RWDD4: variants seen among roughly 807,000 people sequenced by gnomAD.
RWDD4 encodes RWD domain-containing protein 4.
RWDD4 carries 16 observed loss-of-function variants against 30.0 expected under a neutral mutation model. The ratio of observed to expected loss-of-function variants is 0.53; its 90% CI spans 0.36 to 0.81. The LOEUF is 0.81. Among genes scored for constraint, RWDD4 ranks in the 30% least tolerant of loss-of-function variants. The pLI, the probability that RWDD4 is intolerant of heterozygous loss-of-function variation, is 0.00. For synonymous variants in RWDD4, 45 were observed against 72.1 expected (o/e 0.62, Z 1.90); for missense variants, 170 against 223.9 (o/e 0.76, Z 1.54).
chr4:183,656,035 TTCAAGCCCAC>T, intron 1 of RWDD4, 74 bp from the exon 2 acceptor site: 1 of 982,656 alleles, frequency 1.0e-6, no homozygotes, highest in Non-Finnish European at 1.6e-6. Context: ...TACTTTCTCA[TTCAAGCCCAC>T]TCAACTATGT....
Position 183,641,422 on chromosome 4 carries a change from T to G in RWDD4, c.*14A>C, listed in dbSNP as rs551265492. On this transcript the variant is annotated 3_prime_UTR_variant, in exon 8 of 8. Coordinates refer to ENST00000326397, the MANE Select transcript of RWDD4 (RefSeq NM_152682.4). ...CTTTAAAGAATGCTCTTTCCTTGTCTCAAATTCCAAGTGCTACTCATCATC... is the reference window on the plus strand; with the variant it reads ...CTTTAAAGAATGCTCTTTCCTTGTCGCAAATTCCAAGTGCTACTCATCATC... 6.3e-7 allele frequency: 1 copy of G among 1,597,810 alleles called. No homozygotes were observed. Among genetic ancestry groups the G allele is most frequent in the East Asian group, 2.2e-5 (1 of 44,740 alleles).
At chr4:183,653,856 G>A (rs895556012) in intron 2 of RWDD4, among the ~76,000 whole-genome samples, 2 of 152,166 alleles carry the variant, frequency 1.3e-5, no homozygotes, top group African/African-American at 2.4e-5. Context: ...ATAGAGACAA[G>A]GCTATTCCTG....
At chr4:183,658,582 T>G (rs189777716) in intron 1 of RWDD4, among the ~76,000 whole-genome samples, 1 of 152,272 alleles carries the variant, frequency 6.6e-6, no homozygotes, top group Admixed American at 6.5e-5. Flanking sequence ...CAGACTAAAA[T>G]TTAAAGGTGA....
chr4:183,649,997 G>C (rs991075137), intron 4 of RWDD4, among the ~76,000 whole-genome samples: 3 of 152,042 alleles, frequency 2.0e-5, no homozygotes, highest in African/African-American at 7.2e-5. Context: ...AGAACATCCT[G>C]GTTCCCGGAA....
rs181042737 is a variant in RWDD4, at chr4:183,655,486, A to G, written c.105+395T>C. ...TTAGTAGAGACAGTGGGGTTTCACC[A>G]TGTTGGCCAGGATGGTCTCGATCTC... On this transcript the variant is annotated intron_variant, in intron 2 of 7. Coordinates refer to ENST00000326397, the MANE Select transcript of RWDD4 (RefSeq NM_152682.4). 1.7e-3 allele frequency among the ~76,000 whole-genome samples: 260 copies of G among 151,678 alleles called. 1 individual carries two copies. Among genetic ancestry groups the G allele is most frequent in the Middle Eastern group, 0.01 (3 of 292 alleles).
chr4:183,652,450 C>G (rs114129693), intron 2 of RWDD4, among the ~76,000 whole-genome samples: 11,016 of 146,058 alleles, frequency 0.075, 545 homozygotes, highest in Non-Finnish European at 0.094. Context: ...GAGCTGAGAT[C>G]GTGCCATTGC....
chr4:183,654,910 AC>A (rs113412568), intron 2 of RWDD4, among the ~76,000 whole-genome samples: 10,256 of 151,828 alleles, frequency 0.068, 1,147 homozygotes, highest in African/African-American at 0.24. Flanking sequence ...TACAAAAAAA[AC>A]TTCCCCATTC....
intron 7 of RWDD4, among the ~76,000 whole-genome samples, chr4:183,642,528 G>A (rs924947839): frequency 2.0e-5 from 3 of 152,056 alleles, no homozygotes; most frequent in Admixed American, 2.0e-4. Flanking sequence ...AAGACAGCTG[G>A]CTTCTCACAA....
In RWDD4 at chr4:183,659,161, C is replaced by T. The variant is rs1734316712; in HGVS notation, c.-209G>A. 2.5e-6 allele frequency: 1 copy of T among 404,418 alleles called. No individual in the cohort carries two copies. 25.1% of individuals were successfully genotyped at this position (404,418 alleles called of 1,614,324 possible). ...GTGGGCTGTGGGCTACGAGCCGGAG[C>T]CGCGGCTGGTGGGGCCTGGGAAGTG... On this transcript the variant is annotated 5_prime_UTR_variant, in exon 1 of 8. Coordinates refer to ENST00000326397, the MANE Select transcript of RWDD4 (RefSeq NM_152682.4).
At chr4:183,656,088 C>T in intron 1 of RWDD4, 127 bp from the exon 2 acceptor site, 1 of 632,358 alleles carries the variant, frequency 1.6e-6, no homozygotes, top group Non-Finnish European at 2.8e-6. Context: ...ACCTTAGATA[C>T]TTACCACATA....
intron 5 of RWDD4, among the ~76,000 whole-genome samples, chr4:183,648,117 G>A (rs1233346821): frequency 6.6e-6 from 1 of 152,078 alleles, no homozygotes; most frequent in African/African-American, 2.4e-5. Flanking sequence ...AGTGACATGC[G>A]CCAGTAGTCT....
chr4:183,641,147 A>C lies in RWDD4; in HGVS notation c.*289T>G, dbSNP rs1435054100. 1 of 426,116 alleles carries C rather than the reference A, an allele frequency of 2.3e-6. No homozygotes were observed. Among genetic ancestry groups the C allele is most frequent in the Non-Finnish European group, 4.2e-6 (1 of 237,720 alleles). The allele number at this position is 426,116 out of a possible 1,614,324, so 26.4% of individuals were successfully genotyped here. A position where few individuals can be genotyped will look rare whatever the true frequency, so the allele number is the denominator to read the frequency against. On this transcript the variant is annotated 3_prime_UTR_variant, in exon 8 of 8. Coordinates refer to ENST00000326397, the MANE Select transcript of RWDD4 (RefSeq NM_152682.4). ...CCACCAGGATAAGATCATTTAAATT[A>C]ACACTGATTCTTATTCCCCATGCCT...
chr4:183,643,100 AAAT>A (rs1465957247), intron 7 of RWDD4, among the ~76,000 whole-genome samples: 5 of 129,222 alleles, frequency 3.9e-5, no homozygotes, highest in African/African-American at 9.1e-5. Flanking sequence ...ATAAATAAAT[AAAT>A]AAAATAAAAA....
intron 5 of RWDD4, among the ~76,000 whole-genome samples, chr4:183,648,419 G>A (rs552660122): frequency 6.6e-6 from 1 of 152,232 alleles, no homozygotes; most frequent in Non-Finnish European, 1.5e-5. Flanking sequence ...TTTACAGACT[G>A]TTATCAATTT....
intron 3 of RWDD4, 32 bp downstream of exon 3, chr4:183,651,186 A>G (rs1044737129): frequency 1.2e-6 from 2 of 1,600,200 alleles, no homozygotes. Flanking sequence ...AGAGAGTGAA[A>G]TGAAAAGCAG....
chr4:183,659,161 C>G lies in RWDD4; in HGVS notation c.-209G>C, dbSNP rs1734316712. Reference sequence around the variant, plus strand: ...GTGGGCTGTGGGCTACGAGCCGGAGCCGCGGCTGGTGGGGCCTGGGAAGTG... The same window carrying G: ...GTGGGCTGTGGGCTACGAGCCGGAGGCGCGGCTGGTGGGGCCTGGGAAGTG... On this transcript the variant is annotated 5_prime_UTR_variant, in exon 1 of 8. Transcript: ENST00000326397. 1 of 404,418 alleles carries G rather than the reference C, an allele frequency of 2.5e-6. No homozygotes were observed. The highest frequency in any genetic ancestry group is 4.3e-6 in the Non-Finnish European group (1 of 232,960). The allele number at this position is 404,418 out of a possible 1,614,324, so 25.1% of individuals were successfully genotyped here.
chr4:183,658,194 A>C (rs1734252720), intron 1 of RWDD4, among the ~76,000 whole-genome samples: 2 of 152,184 alleles, frequency 1.3e-5, no homozygotes, highest in Admixed American at 6.5e-5. Context: ...TTATACTTTA[A>C]ATTAACAGTG....
chr4:183,651,703 G>A (rs1734079976), intron 2 of RWDD4, among the ~76,000 whole-genome samples: 1 of 152,066 alleles, frequency 6.6e-6, no homozygotes, highest in African/African-American at 2.4e-5. Context: ...TCACAAACTC[G>A]ACACACCTCA....
intron 7 of RWDD4, among the ~76,000 whole-genome samples, chr4:183,644,771 C>T (rs1007871743): frequency 1.0e-4 from 15 of 147,034 alleles, no homozygotes; most frequent in African/African-American, 3.9e-4. Context: ...GAGCGAGACT[C>T]GGCTTCAAAA....
Sources: allele counts gnomAD v4.1 joint callset (sites outside exome capture counted in the v4.1 genomes callset), GRCh38; gene constraint gnomAD v4.1.1; transcripts MANE v1.5; gene names NCBI Gene and HGNC (gene_info 2026-07-23, HGNC 2026-07-21).